Variants in ATAD3B observed in about 807,000 individuals in gnomAD.
ATAD3B encodes ATPase family AAA domain containing 3B.
Under a neutral mutation model 70.2 loss-of-function variants are expected in ATAD3B, and 59 were observed. That is an observed-to-expected ratio of 0.84 (90% CI 0.68 to 1.04). The LOEUF (loss-of-function observed/expected upper bound fraction) is 1.04, where lower values mean the gene tolerates loss of function less well. ATAD3B is among the 50% of genes least tolerant of loss of function. The pLI is 0.00. For synonymous variants in ATAD3B, 423 were observed against 388.6 expected (o/e 1.09, Z -1.04); for missense variants, 961 against 913.4 (o/e 1.05, Z -0.67).
rs528660430 is a variant in ATAD3B, at chr1:1,496,292, G to A, written c.*475G>A. 3.1e-6 allele frequency: 3 copies of A among 956,332 alleles called. No homozygotes were observed. Among genetic ancestry groups the A allele is most frequent in the East Asian group, 1.1e-4 (1 of 8,820 alleles). 59.2% of individuals were successfully genotyped at this position (956,332 alleles called of 1,614,324 possible). The stretch of plus-strand genomic sequence containing the variant: ...GGTCAAAGGTGACATAAGAGGCAGA[G>A]GCTGGAGCTTTCTGGAGAATTTACT... On this transcript the variant is annotated 3_prime_UTR_variant, in exon 16 of 16. Coordinates refer to ENST00000673477, the MANE Select transcript of ATAD3B (RefSeq NM_031921.6).
chr1:1,482,744 C>G, intron 7 of ATAD3B, 130 bp downstream of exon 7: 1 of 1,453,896 alleles, frequency 6.9e-7, no homozygotes, highest in Non-Finnish European at 9.5e-7. Context: ...AGCAAACCCA[C>G]GTTGTACCTG....
chr1:1,489,370 C>G (rs1463803123), intron 13 of ATAD3B, 96 bp downstream of exon 13: 54 of 1,581,478 alleles, frequency 3.4e-5, no homozygotes, highest in Non-Finnish European at 4.5e-5. Flanking sequence ...GTGCTGGGCA[C>G]CAGCTGTGGC....
intron 2 of ATAD3B, among the ~76,000 whole-genome samples, chr1:1,477,554 T>G (rs1425318393): frequency 6.6e-6 from 1 of 150,954 alleles, no homozygotes; most frequent in Non-Finnish European, 1.5e-5. Context: ...AGAGGGAGGG[T>G]CAGTGTTGGT....
the ATAD3B span, among the ~76,000 whole-genome samples, chr1:1,504,924 C>T: frequency 1.3e-5 from 2 of 150,014 alleles, no homozygotes; most frequent in Non-Finnish European, 2.9e-5. Flanking sequence ...TGTCCTTCAA[C>T]AGTTTGTGTG....
chr1:1,477,250 T>C (rs1443518435), intron 1 of ATAD3B, 24 bp from the exon 2 acceptor site: 10 of 1,611,524 alleles, frequency 6.2e-6, no homozygotes, highest in Non-Finnish European at 8.5e-6. Flanking sequence ...CTACACCTGC[T>C]CTCCGTGCCA....
At chr1:1,480,288 C>G (rs1472359258) in intron 4 of ATAD3B, among the ~76,000 whole-genome samples, 2 of 144,598 alleles carry the variant, frequency 1.4e-5, no homozygotes, top group Non-Finnish European at 3.0e-5. Context: ...CACACAGACC[C>G]CTTGTGTGGG....
downstream of ATAD3B, among the ~76,000 whole-genome samples, chr1:1,502,675 C>T (rs976316658): frequency 6.6e-6 from 1 of 150,860 alleles, no homozygotes; most frequent in African/African-American, 2.4e-5. Flanking sequence ...ACATGCCCGG[C>T]TAATTTTTTG....
chr1:1,491,141 C>G (rs546050074), intron 15 of ATAD3B, among the ~76,000 whole-genome samples: 1 of 151,876 alleles, frequency 6.6e-6, no homozygotes, highest in African/African-American at 2.4e-5. Flanking sequence ...TCCGATTGTC[C>G]CACAGTTAGT....
chr1:1,479,333 CAG>C (rs1262239116), intron 4 of ATAD3B, among the ~76,000 whole-genome samples: 1 of 147,780 alleles, frequency 6.8e-6, no homozygotes, highest in Non-Finnish European at 1.5e-5. Context: ...CCTGCCCACA[CAG>C]ACACACACTC....
At chr1:1,507,183 T>C in the ATAD3B span, among the ~76,000 whole-genome samples, 1 of 152,194 alleles carries the variant, frequency 6.6e-6, no homozygotes, top group African/African-American at 2.4e-5. Context: ...CTTTTTCTTC[T>C]CTAATGGCCC....
At chr1:1,506,165 G>T in the ATAD3B span, among the ~76,000 whole-genome samples, 1 of 152,162 alleles carries the variant, frequency 6.6e-6, no homozygotes, top group African/African-American at 2.4e-5. Context: ...AACCCAGGAG[G>T]TGGAGGTTGC....
chr1:1,479,338 A>T (rs1241123619), intron 4 of ATAD3B, among the ~76,000 whole-genome samples: 1 of 147,460 alleles, frequency 6.8e-6, no homozygotes, highest in Non-Finnish European at 1.5e-5. Context: ...CCACACAGAC[A>T]CACACTCCTC....
rs774484490 is a variant in ATAD3B, at chr1:1,489,732, C to G, written c.1337+458C>G. Reference sequence around the variant, plus strand: ...ACACGGAGGATCAAGTCCTGCTGGTCGGCCGTGGCTGACTCTTCAGGCACG... The same window carrying G: ...ACACGGAGGATCAAGTCCTGCTGGTGGGCCGTGGCTGACTCTTCAGGCACG... On this transcript the variant is annotated intron_variant, in intron 13 of 15. Coordinates refer to ENST00000673477, the MANE Select transcript of ATAD3B (RefSeq NM_031921.6). The G allele has an allele frequency of 1.1e-5, 14 of 1,309,540 alleles. No individual in the cohort carries two copies. In the Admixed American group the frequency reaches 1.6e-4, roughly 15 times the overall value. 81.1% of individuals were successfully genotyped at this position (1,309,540 alleles called of 1,614,324 possible).
chr1:1,503,223 C>CAA, the ATAD3B span: 221 of 108,774 alleles, frequency 2.0e-3, no homozygotes, highest in South Asian at 6.1e-3. Context: ...GATTCCGTCT[C>CAA]AAAAAAAAAA....
At chr1:1,484,726 C>A (rs1008634873) in intron 7 of ATAD3B, 32 of 635,194 alleles carry the variant, frequency 5.0e-5, no homozygotes, top group Non-Finnish European at 5.2e-5. Context: ...CCTGTGACAT[C>A]CAGCTGGGTC....
the ATAD3B span, among the ~76,000 whole-genome samples, chr1:1,505,922 C>T: frequency 2.0e-5 from 3 of 152,196 alleles, no homozygotes; most frequent in African/African-American, 7.2e-5. Flanking sequence ...TGCCCTCGGT[C>T]TCTTGCCTCA....
chr1:1,489,147 C>G lies in ATAD3B; in HGVS notation c.1267-57C>G, dbSNP rs144878195. ...AGGGAGGCCTGTGGGACTTTCTGCTCTGGCTGTTTACAAGGCTTTGCTTCT... is the reference window on the plus strand; with the variant it reads ...AGGGAGGCCTGTGGGACTTTCTGCTGTGGCTGTTTACAAGGCTTTGCTTCT... On this transcript the variant is annotated intron_variant, in intron 12 of 15. Coordinates refer to ENST00000673477, the MANE Select transcript of ATAD3B (RefSeq NM_031921.6). The G allele has an allele frequency of 5.6e-3, 9,093 of 1,610,704 alleles. 250 individuals carry two copies. Among genetic ancestry groups the G allele is most frequent in the South Asian group, 9.9e-3 (903 of 90,924 alleles).
chr1:1,493,515 CCA>C (rs1373355341), intron 15 of ATAD3B, among the ~76,000 whole-genome samples: 1 of 151,832 alleles, frequency 6.6e-6, no homozygotes, highest in Non-Finnish European at 1.5e-5. Context: ...CAGGGTTTCA[CCA>C]TGTTGGCCAG....
chr1:1,495,784 G>T lies in ATAD3B; in HGVS notation c.1914G>T (p.Arg638=), dbSNP rs1218587856. Residue 638 remains arginine, a synonymous_variant, in exon 16 of 16, where the codon CGG becomes CGT. Transcript: ENST00000673477. The part of the protein sequence containing the change: ...LSPRMSCGGG[R]PFCPPGHPLL The stretch of plus-strand genomic sequence containing the variant: ...CCAGGATGTCTTGTGGTGGCGGTCG[G>T]CCGTTCTGCCCCCCAGGGCACCCCC... 3.7e-6 allele frequency: 6 copies of T among 1,601,400 alleles called. No homozygotes were observed. The highest frequency in any genetic ancestry group is 2.2e-5 in the East Asian group (1 of 44,822).
Sources: allele counts gnomAD v4.1 joint callset (sites outside exome capture counted in the v4.1 genomes callset), GRCh38; gene constraint gnomAD v4.1.1; transcripts MANE v1.5; gene names NCBI Gene and HGNC (gene_info 2026-07-23, HGNC 2026-07-21).